Variants in EPHB1 observed in about 807,000 individuals in gnomAD.
The protein encoded by EPHB1 is EPH receptor B1.
EPHB1 carries 30 observed loss-of-function variants against 94.4 expected under a neutral mutation model. The ratio of observed to expected loss-of-function variants is 0.32; its 90% confidence interval spans 0.24 to 0.43. The LOEUF (loss-of-function observed/expected upper bound fraction) is 0.43, where lower values mean the gene tolerates loss of function less well. Among genes scored for constraint, EPHB1 ranks in the 20% least tolerant of loss-of-function variants. The probability of loss-of-function intolerance (pLI) is 1.00; values close to 1 mark genes in which losing one functional copy is unlikely to be tolerated. For synonymous variants in EPHB1, 522 were observed against 489.1 expected (o/e 1.07, Z -0.89); for missense variants, 1,055 against 1,308.3 (o/e 0.81, Z 2.99).
Position 135,132,968 on chromosome 3 carries a change from A to G in EPHB1, c.1216A>G (p.Ile406Val). 1 of 1,613,830 alleles carries G rather than the reference A, an allele frequency of 6.2e-7. No homozygotes were observed. Among genetic ancestry groups the G allele is most frequent in the East Asian group, 2.2e-5 (1 of 44,870 alleles). Residue 406 changes from isoleucine (I) to valine (V), a missense_variant, in exon 5 of 16, where the codon ATC becomes GTC. By Grantham distance (29) the Ile-to-Val change is conservative. Coordinates refer to ENST00000398015, the MANE Select transcript of EPHB1 (RefSeq NM_004441.5). ...GGCCCACACCCCCTACACCTTTGAC[A>G]TCCAGGCCATCAATGGAGTCTCCAG... ...LWAHTPYTFD[I>V]QAINGVSSKS...
At chr3:135,141,474 A>G (rs1940825876) in intron 5 of EPHB1, among the ~76,000 whole-genome samples, 1 of 152,080 alleles carries the variant, frequency 6.6e-6, no homozygotes, top group Non-Finnish European at 1.5e-5. Context: ...GGCTGACCTT[A>G]CACCATGTCA....
intron 3 of EPHB1, among the ~76,000 whole-genome samples, chr3:134,953,218 A>G (rs1041483050): frequency 1.3e-5 from 2 of 152,164 alleles, no homozygotes; most frequent in African/African-American, 4.8e-5. Flanking sequence ...TGCTCCCCAG[A>G]CACCTGCAGC....
At chr3:135,062,670 T>C (rs1296692162) in intron 3 of EPHB1, among the ~76,000 whole-genome samples, 3 of 152,258 alleles carry the variant, frequency 2.0e-5, no homozygotes, top group South Asian at 4.1e-4. Context: ...TCTTTTGCTG[T>C]GCAAAGTTCT....
chr3:134,796,948 T>C (rs1331015044), intron 1 of EPHB1, among the ~76,000 whole-genome samples: 1 of 152,094 alleles, frequency 6.6e-6, no homozygotes, highest in East Asian at 1.9e-4. Context: ...CCAAACACGA[T>C]GGTTTGGTGC....
At chr3:134,902,966 T>G (rs1247970213) in intron 1 of EPHB1, among the ~76,000 whole-genome samples, 2 of 152,202 alleles carry the variant, frequency 1.3e-5, no homozygotes, top group Non-Finnish European at 2.9e-5. Flanking sequence ...ATCTGTAAAT[T>G]GCCATATTCC....
intron 3 of EPHB1, among the ~76,000 whole-genome samples, chr3:135,049,295 T>C (rs541470272): frequency 1.3e-5 from 2 of 152,384 alleles, no homozygotes; most frequent in Admixed American, 1.3e-4. Flanking sequence ...AATCATGTCA[T>C]TATTTCTCAC....
intron 3 of EPHB1, among the ~76,000 whole-genome samples, chr3:135,051,665 G>T (rs1653340114): frequency 6.6e-6 from 1 of 152,150 alleles, no homozygotes; most frequent in African/African-American, 2.4e-5. Flanking sequence ...TGACTGCGTG[G>T]GTTTTGATGA....
At chr3:134,857,944 G>A (rs909649642) in intron 1 of EPHB1, among the ~76,000 whole-genome samples, 1 of 152,160 alleles carries the variant, frequency 6.6e-6, no homozygotes, top group Admixed American at 6.5e-5. Context: ...CTTTGTGAAT[G>A]TTGTTAGCAT....
intron 1 of EPHB1, among the ~76,000 whole-genome samples, chr3:134,868,702 A>C (rs1335546287): frequency 6.6e-6 from 1 of 152,252 alleles, no homozygotes; most frequent in Non-Finnish European, 1.5e-5. Flanking sequence ...GATACAGACA[A>C]GAAAACAATA....
chr3:134,923,765 C>T (rs886385709), intron 1 of EPHB1, among the ~76,000 whole-genome samples: 1 of 152,168 alleles, frequency 6.6e-6, no homozygotes, highest in South Asian at 2.1e-4. Context: ...TGACAGGGTT[C>T]TTCTATTTCA....
At chr3:135,180,595 C>T (rs1226104484) in intron 10 of EPHB1, among the ~76,000 whole-genome samples, 2 of 152,162 alleles carry the variant, frequency 1.3e-5, no homozygotes, top group Non-Finnish European at 2.9e-5. Flanking sequence ...CATCCATCTT[C>T]CTGCACTGGA....
At chr3:134,843,021 G>A (rs2036804843) in intron 1 of EPHB1, among the ~76,000 whole-genome samples, 1 of 152,004 alleles carries the variant, frequency 6.6e-6, no homozygotes, top group Admixed American at 6.6e-5. Flanking sequence ...TTACCTTCTG[G>A]TGTCATTTCT....
intron 1 of EPHB1, among the ~76,000 whole-genome samples, chr3:134,924,429 G>A (rs2038749356): frequency 1.3e-5 from 2 of 152,124 alleles, no homozygotes; most frequent in Admixed American, 1.3e-4. Flanking sequence ...AGGAGAAAAA[G>A]ATTTGAATAG....
At chr3:135,167,098 C>A in intron 9 of EPHB1, 92 bp downstream of exon 9, 1 of 1,468,852 alleles carries the variant, frequency 6.8e-7, no homozygotes, top group Non-Finnish European at 9.4e-7. Context: ...GCCAGACTGG[C>A]TGGTCCCAGT....
chr3:134,869,969 G>T (rs991925259), intron 1 of EPHB1, among the ~76,000 whole-genome samples: 4 of 152,216 alleles, frequency 2.6e-5, no homozygotes, highest in African/African-American at 9.6e-5. Context: ...CACATGCAAG[G>T]CTATTCTCGA....
intron 3 of EPHB1, among the ~76,000 whole-genome samples, chr3:134,983,245 T>C (rs1934476402): frequency 6.6e-6 from 1 of 152,248 alleles, no homozygotes; most frequent in Non-Finnish European, 1.5e-5. Flanking sequence ...TGTATGTCTA[T>C]GTGTGCATGA....
intron 1 of EPHB1, among the ~76,000 whole-genome samples, chr3:134,897,092 A>G (rs1241664300): frequency 1.3e-5 from 2 of 152,244 alleles, no homozygotes; most frequent in Non-Finnish European, 1.5e-5. Flanking sequence ...CTCTGCCACA[A>G]TCAGAGTTAA....
At chr3:134,856,606 C>G (rs1218769829) in intron 1 of EPHB1, among the ~76,000 whole-genome samples, 1 of 152,142 alleles carries the variant, frequency 6.6e-6, no homozygotes, top group Admixed American at 6.5e-5. Flanking sequence ...AGCCACCAGC[C>G]ACATCTGGCT....
intron 1 of EPHB1, among the ~76,000 whole-genome samples, chr3:134,842,241 G>C (rs983036205): frequency 6.6e-6 from 1 of 152,192 alleles, no homozygotes; most frequent in Admixed American, 6.5e-5. Context: ...AAATCTGCTG[G>C]TGCCTTGATC....
Sources: allele counts gnomAD v4.1 joint callset (sites outside exome capture counted in the v4.1 genomes callset), GRCh38; gene constraint gnomAD v4.1.1; transcripts MANE v1.5; gene names NCBI Gene and HGNC (gene_info 2026-07-23, HGNC 2026-07-21).